Variants in PCDHA4 observed in about 807,000 individuals in gnomAD.
PCDHA4 encodes protocadherin alpha-4.
A neutral mutation model predicts 61.4 loss-of-function variants in PCDHA4; 49 were observed. That is an observed-to-expected ratio of 0.80 (90% CI 0.63 to 1.01). PCDHA4 has a LOEUF of 1.01. Among genes scored for constraint, PCDHA4 ranks in the 50% least tolerant of loss-of-function variants. The pLI, the probability that PCDHA4 is intolerant of heterozygous loss-of-function variation, is 0.00. For synonymous variants in PCDHA4, 590 were observed against 550.3 expected (o/e 1.07, Z -1.01); for missense variants, 1,254 against 1,235.8 (o/e 1.01, Z -0.22).
intron 1 of PCDHA4, among the ~76,000 whole-genome samples, chr5:140,918,885 T>G (rs2078908612): frequency 6.6e-6 from 1 of 152,202 alleles, no homozygotes; most frequent in Non-Finnish European, 1.5e-5. Context: ...TCTAGAACAG[T>G]GAAAAATAAA....
chr5:140,898,673 G>A (rs1378652105), intron 1 of PCDHA4, among the ~76,000 whole-genome samples: 1 of 152,170 alleles, frequency 6.6e-6, no homozygotes, highest in Non-Finnish European at 1.5e-5. Flanking sequence ...GGTGTTGCGG[G>A]CTGTTTTTTG....
At chr5:140,882,374 C>A in intron 1 of PCDHA4, 1 of 1,614,186 alleles carries the variant, frequency 6.2e-7, no homozygotes, top group East Asian at 2.2e-5. Flanking sequence ...CTACTCCGTC[C>A]CCGAGGAAGC....
chr5:140,858,071 C>T (rs782061637), intron 1 of PCDHA4: 1 of 1,597,680 alleles, frequency 6.3e-7, no homozygotes, highest in Admixed American at 1.7e-5. Flanking sequence ...CAGCCAGGCA[C>T]CCAAGGCCTC....
At position 140,848,972 on chromosome 5, in the gene PCDHA4, T is replaced by C. The variant is rs17844324; in HGVS notation, c.2385+39400T>C. ...GGTTTCCACTAGAGGGCGCGTCCGA[T>C]GCAGATATCGGGGAGAACGCCCTGC... On this transcript the variant is annotated intron_variant, in intron 1 of 3. Coordinates refer to ENST00000530339, the MANE Select transcript of PCDHA4 (RefSeq NM_018907.4). The C allele has an allele frequency of 2.8e-5, 45 of 1,601,076 alleles. 3 individuals are homozygous for C. In the East Asian group the frequency reaches 9.8e-4, roughly 35 times the overall value.
rs2150184888 is a variant in PCDHA4, at chr5:140,830,320, C to G, written c.2385+20748C>G. 31 of 1,613,872 alleles carry G rather than the reference C, an allele frequency of 1.9e-5. No homozygotes were observed. The African/African-American group carries it at 2.7e-4, about 14-fold the overall frequency. ...ACAAGCCCACGCTGGTGTGCTCCAGCGCAGTGGGGAGCTGGTCGTACTCGC... is the reference window on the plus strand; with the variant it reads ...ACAAGCCCACGCTGGTGTGCTCCAGGGCAGTGGGGAGCTGGTCGTACTCGC... On this transcript the variant is annotated intron_variant, in intron 1 of 3. Transcript: ENST00000530339.
At chr5:140,995,235 A>G (rs1313042272) in intron 3 of PCDHA4, among the ~76,000 whole-genome samples, 1 of 152,188 alleles carries the variant, frequency 6.6e-6, no homozygotes, top group Non-Finnish European at 1.5e-5. Flanking sequence ...TGGGGCCAGT[A>G]TTAAGTAAAA....
chr5:140,872,424 C>T (rs534204647), intron 1 of PCDHA4, among the ~76,000 whole-genome samples: 4 of 152,028 alleles, frequency 2.6e-5, no homozygotes, highest in South Asian at 2.1e-4. Context: ...CCCAAGAGTT[C>T]GAGGCCTGCC....
intron 1 of PCDHA4, among the ~76,000 whole-genome samples, chr5:140,899,745 A>G: frequency 6.6e-6 from 1 of 152,214 alleles, no homozygotes; most frequent in Non-Finnish European, 1.5e-5. Flanking sequence ...GAATAGTTTC[A>G]GAAGGAATGG....
chr5:140,868,747 T>C, intron 1 of PCDHA4: 1 of 213,646 alleles, frequency 4.7e-6, no homozygotes, highest in South Asian at 1.1e-4. Context: ...TACAATGCCA[T>C]TTCCATATAT....
At chr5:140,991,298 ATTATC>A (rs1361844877) in intron 3 of PCDHA4, among the ~76,000 whole-genome samples, 1 of 152,170 alleles carries the variant, frequency 6.6e-6, no homozygotes, top group African/African-American at 2.4e-5. Flanking sequence ...ACACATTACT[ATTATC>A]TTGTCCCGCA....
Position 140,829,383 on chromosome 5 carries a change from G to C in PCDHA4, c.2385+19811G>C. On this transcript the variant is annotated intron_variant, in intron 1 of 3. Coordinates refer to ENST00000530339, the MANE Select transcript of PCDHA4 (RefSeq NM_018907.4). ...TTGGTGGTAACCGCGCGGGACGGGGGCTCGCCTTCGCTGTGGGCCACCGCC... is the reference window on the plus strand; with the variant it reads ...TTGGTGGTAACCGCGCGGGACGGGGCCTCGCCTTCGCTGTGGGCCACCGCC... 2 of 1,614,186 alleles carry C rather than the reference G, an allele frequency of 1.2e-6. No homozygotes were observed. The highest frequency in any genetic ancestry group is 1.7e-4 in the Middle Eastern group (1 of 6,044).
intron 1 of PCDHA4, chr5:140,867,441 G>A (rs1188505395): frequency 1.3e-5 from 2 of 152,032 alleles, no homozygotes; most frequent in African/African-American, 4.8e-5. Flanking sequence ...GCATTTACCT[G>A]AATTAGAGTT....
chr5:140,993,266 T>G (rs1049781348), intron 3 of PCDHA4, among the ~76,000 whole-genome samples: 1 of 152,182 alleles, frequency 6.6e-6, no homozygotes, highest in Non-Finnish European at 1.5e-5. Flanking sequence ...AATTAGCTTC[T>G]TTGGTCTTTT....
chr5:140,933,704 T>C (rs1436562602), intron 1 of PCDHA4, among the ~76,000 whole-genome samples: 1 of 152,084 alleles, frequency 6.6e-6, no homozygotes, highest in African/African-American at 2.4e-5. Flanking sequence ...CGGACACATT[T>C]ACTGAGATTG....
intron 1 of PCDHA4, among the ~76,000 whole-genome samples, chr5:140,878,595 A>G (rs1413193453): frequency 6.6e-6 from 1 of 152,192 alleles, no homozygotes; most frequent in East Asian, 1.9e-4. Flanking sequence ...CCTATTACCA[A>G]GTGAATCTTC....
chr5:140,877,888 C>T (rs1554170207), intron 1 of PCDHA4: 3 of 1,458,570 alleles, frequency 2.1e-6, no homozygotes, highest in South Asian at 1.5e-5. Flanking sequence ...GAAGAACTTC[C>T]GTTTAGGTTA....
At chr5:140,810,669 T>C (rs1390570717) in intron 1 of PCDHA4, 1 of 99,100 alleles carries the variant, frequency 1.0e-5, no homozygotes, top group Middle Eastern at 5.4e-3. Flanking sequence ...GTTTTTCTTT[T>C]CTTTTTTCTC....
At chr5:140,918,263 G>A (rs2078602453) in intron 1 of PCDHA4, among the ~76,000 whole-genome samples, 1 of 152,214 alleles carries the variant, frequency 6.6e-6, no homozygotes, top group East Asian at 1.9e-4. Context: ...TTTGCTGGAG[G>A]TTTTATCAGA....
At chr5:140,878,571 A>G (rs531090803) in intron 1 of PCDHA4, among the ~76,000 whole-genome samples, 48 of 152,346 alleles carry the variant, frequency 3.2e-4, no homozygotes, top group African/African-American at 1.1e-3. Context: ...ATCATAGTAT[A>G]CCACTGCCCT....
Sources: allele counts gnomAD v4.1 joint callset (sites outside exome capture counted in the v4.1 genomes callset), GRCh38; gene constraint gnomAD v4.1.1; transcripts MANE v1.5; gene names NCBI Gene and HGNC (gene_info 2026-07-23, HGNC 2026-07-21).